PIK3R3: variants seen among roughly 807,000 people sequenced by gnomAD.
PIK3R3 encodes phosphatidylinositol 3-kinase regulatory subunit gamma.
Under a neutral mutation model 62.9 loss-of-function variants are expected in PIK3R3, and 64 were observed. The ratio of observed to expected loss-of-function variants is 1.02; its 90% confidence interval spans 0.83 to 1.25. The LOEUF is 1.25. Ranked by LOEUF, PIK3R3 falls within the 50% of genes most tolerant of loss-of-function variation. The probability of loss-of-function intolerance (pLI) is 0.00; values close to 1 mark genes in which losing one functional copy is unlikely to be tolerated. For missense variants in PIK3R3, 614 were observed against 561.6 expected (o/e 1.09, Z -0.94); for synonymous variants, 165 against 189.0 (o/e 0.87, Z 1.04).
intron 1 of PIK3R3, among the ~76,000 whole-genome samples, chr1:46,082,790 T>C (rs780167340): frequency 6.6e-6 from 1 of 152,046 alleles, no homozygotes; most frequent in Admixed American, 6.6e-5. Flanking sequence ...GTTGGCCGGG[T>C]ACGGTGGCTC....
chr1:46,100,056 TC>T (rs948085562), intron 1 of PIK3R3, among the ~76,000 whole-genome samples: 10 of 152,220 alleles, frequency 6.6e-5, no homozygotes, highest in Non-Finnish European at 1.3e-4. Context: ...TGATTATTAA[TC>T]CTTTTTAGTT....
rs1557589746 is a variant in PIK3R3 at position 46,080,728 on chromosome 1, C to A, written c.129G>T (p.Lys43Asn). ...CATTTGGAACTGCTGAAGTCATTGG[C>A]TTAGGTGGCTTTGGTGGAAGAGCTA... Reference protein sequence around the residue: ...DPPALPPKPPKPMTSAVPNGM... With the variant: ...DPPALPPKPPNPMTSAVPNGM... Residue 43 changes from lysine (K) to asparagine (N), a missense_variant, in exon 2 of 10, where the codon AAG becomes AAT. Transcript: ENST00000262741. 6.2e-7 allele frequency: 1 copy of A among 1,613,072 alleles called. No individual in the cohort carries two copies. The highest frequency in any genetic ancestry group is 1.7e-5 in the Admixed American group (1 of 60,032).
chr1:46,059,599 G>C (rs1242269569), intron 6 of PIK3R3, among the ~76,000 whole-genome samples: 1 of 152,072 alleles, frequency 6.6e-6, no homozygotes, highest in Non-Finnish European at 1.5e-5. Context: ...AGGATTGCTT[G>C]AGTCCAGGAG....
intron 7 of PIK3R3, among the ~76,000 whole-genome samples, chr1:46,050,684 C>T (rs1647275308): frequency 6.6e-6 from 1 of 152,086 alleles, no homozygotes; most frequent in African/African-American, 2.4e-5. Flanking sequence ...CCATATGATC[C>T]AGGAATTTCA....
At chr1:46,147,095 C>A in the PIK3R3 span, among the ~76,000 whole-genome samples, 1 of 152,140 alleles carries the variant, frequency 6.6e-6, no homozygotes, top group African/African-American at 2.4e-5. Context: ...AGCAGGAACT[C>A]TGTTTTTTAT....
At chr1:46,123,646 G>C (rs1053562292) in intron 1 of PIK3R3, among the ~76,000 whole-genome samples, 1 of 152,182 alleles carries the variant, frequency 6.6e-6, no homozygotes, top group Non-Finnish European at 1.5e-5. Flanking sequence ...CCAGTTTAGA[G>C]GTACTGGTTA....
At chr1:46,072,995 A>G (rs2149404188) in intron 3 of PIK3R3, among the ~76,000 whole-genome samples, 1 of 151,788 alleles carries the variant, frequency 6.6e-6, no homozygotes, top group African/African-American at 2.4e-5. Flanking sequence ...TCCATTCTCT[A>G]ATGCTTACCC....
At chr1:46,161,136 G>A in the PIK3R3 span, among the ~76,000 whole-genome samples, 1 of 151,846 alleles carries the variant, frequency 6.6e-6, no homozygotes, top group Non-Finnish European at 1.5e-5. Flanking sequence ...GTCTCACTCT[G>A]TCACTCAGAG....
intron 7 of PIK3R3, among the ~76,000 whole-genome samples, chr1:46,050,859 T>G (rs1039588343): frequency 6.6e-6 from 1 of 152,226 alleles, no homozygotes; most frequent in African/African-American, 2.4e-5. Context: ...TACAACAGAC[T>G]ATTATTTGGC....
chr1:46,133,625 C>A (rs182924487), upstream of PIK3R3, among the ~76,000 whole-genome samples: 2 of 152,196 alleles, frequency 1.3e-5, no homozygotes, highest in Non-Finnish European at 2.9e-5. Context: ...CCCCTGCAAC[C>A]TTCCTGGCTG....
chr1:46,115,190 A>G (rs1654080414), intron 1 of PIK3R3, among the ~76,000 whole-genome samples: 2 of 152,190 alleles, frequency 1.3e-5, no homozygotes. Context: ...AAGCCAAGAG[A>G]ATTATAGAAA....
chr1:46,142,424 C>T, the PIK3R3 span, among the ~76,000 whole-genome samples: 52 of 152,304 alleles, frequency 3.4e-4, no homozygotes, highest in South Asian at 1.5e-3. Context: ...AGAGGCCGGG[C>T]GCGGTGGCTC....
the PIK3R3 span, among the ~76,000 whole-genome samples, chr1:46,171,098 C>T: frequency 2.0e-4 from 30 of 152,206 alleles, no homozygotes; most frequent in African/African-American, 7.2e-4. Flanking sequence ...TGTTTGTTTT[C>T]TAGAAGTTGC....
chr1:46,132,856 G>A (rs1471094467), upstream of PIK3R3: 2 of 1,199,792 alleles, frequency 1.7e-6, no homozygotes, highest in Non-Finnish European at 2.1e-6. Flanking sequence ...TCTCCCCACC[G>A]CTCTCTAGGC....
intron 4 of PIK3R3, 21 bp from the exon 5 acceptor site, chr1:46,066,200 A>T (rs1347447429): frequency 2.7e-6 from 4 of 1,491,632 alleles, no homozygotes; most frequent in Non-Finnish European, 3.7e-6. Context: ...AAAGAAAAAA[A>T]TAAAGAATGT....
intron 3 of PIK3R3, among the ~76,000 whole-genome samples, chr1:46,074,797 C>T (rs1413063937): frequency 1.3e-5 from 2 of 152,310 alleles, no homozygotes; most frequent in South Asian, 2.1e-4. Context: ...CCCATCCAAA[C>T]GTATAGAATT....
intron 5 of PIK3R3, among the ~76,000 whole-genome samples, chr1:46,065,084 C>G (rs572134513): frequency 6.6e-6 from 1 of 152,240 alleles, no homozygotes; most frequent in East Asian, 1.9e-4. Context: ...AAAATAATAA[C>G]CTGTGTTCCA....
chr1:46,089,826 TTG>T (rs1335276386), intron 1 of PIK3R3, among the ~76,000 whole-genome samples: 11 of 152,082 alleles, frequency 7.2e-5, no homozygotes, highest in Non-Finnish European at 2.9e-5. Flanking sequence ...AAAGTTATAA[TTG>T]TGATATAAAT....
chr1:46,159,035 C>T, the PIK3R3 span, among the ~76,000 whole-genome samples: 3 of 151,574 alleles, frequency 2.0e-5, no homozygotes, highest in Admixed American at 1.3e-4. Context: ...TGCAGTGAGC[C>T]GAGATGGCAC....
Sources: allele counts gnomAD v4.1 joint callset (sites outside exome capture counted in the v4.1 genomes callset), GRCh38; gene constraint gnomAD v4.1.1; transcripts MANE v1.5; gene names NCBI Gene and HGNC (gene_info 2026-07-23, HGNC 2026-07-21).